The following ADCY5 variants were observed in gnomAD, a reference collection of about 807,000 sequenced individuals.
ADCY5 encodes the protein adenylate cyclase type 5.
Under a neutral mutation model 119.7 loss-of-function variants are expected in ADCY5, and 30 were observed. That is an observed-to-expected ratio of 0.25 (90% CI 0.19 to 0.34). The LOEUF (loss-of-function observed/expected upper bound fraction) is 0.34, where lower values mean the gene tolerates loss of function less well. Ranked by LOEUF, ADCY5 falls within the 10% of genes least tolerant of loss-of-function variation. The pLI is 1.00. For missense variants in ADCY5, 1,324 were observed against 1,775.2 expected, an observed-to-expected ratio of 0.75 and a Z score of 4.57; for synonymous variants, 753 against 762.2, an observed-to-expected ratio of 0.99 and a Z score of 0.20.
intron 1 of ADCY5, among the ~76,000 whole-genome samples, chr3:123,445,583 A>T (rs368839985): frequency 9.9e-5 from 15 of 152,208 alleles, no homozygotes; most frequent in African/African-American, 2.2e-4. Flanking sequence ...CTCGGGTCAA[A>T]AGAGTTGGGG....
chr3:123,332,035 C>T (rs991730325), intron 4 of ADCY5, among the ~76,000 whole-genome samples: 1 of 152,150 alleles, frequency 6.6e-6, no homozygotes, highest in Non-Finnish European at 1.5e-5. Flanking sequence ...AAGGAATGAA[C>T]GTGTCGTTCA....
chr3:123,326,924 AG>A (rs1941519700), intron 7 of ADCY5, among the ~76,000 whole-genome samples: 1 of 152,256 alleles, frequency 6.6e-6, no homozygotes, highest in Non-Finnish European at 1.5e-5. Context: ...TTCACTTCTT[AG>A]GAAGAGAAAT....
At chr3:123,358,608 C>A (rs191693305) in intron 1 of ADCY5, among the ~76,000 whole-genome samples, 38 of 152,220 alleles carry the variant, frequency 2.5e-4, no homozygotes, top group African/African-American at 8.7e-4. Flanking sequence ...TCCAAAACAA[C>A]AACAACAAAA....
intron 8 of ADCY5, among the ~76,000 whole-genome samples, chr3:123,324,415 CA>C (rs146114583): frequency 1.9e-3 from 33 of 17,670 alleles, no homozygotes; most frequent in African/African-American, 0.018. Context: ...CACACACACA[CA>C]CACACACACA....
intron 19 of ADCY5, among the ~76,000 whole-genome samples, chr3:123,288,369 T>G (rs1246283909): frequency 6.6e-6 from 1 of 152,254 alleles, no homozygotes; most frequent in Non-Finnish European, 1.5e-5. Flanking sequence ...ATTGATGGCT[T>G]GAAACATACC....
At chr3:123,315,305 A>G (rs1940854906) in intron 11 of ADCY5, among the ~76,000 whole-genome samples, 1 of 152,216 alleles carries the variant, frequency 6.6e-6, no homozygotes, top group African/African-American at 2.4e-5. Context: ...AACAAACGGA[A>G]CAAGGGAAAC....
At chr3:123,313,146 T>C (rs896148139) in intron 12 of ADCY5, among the ~76,000 whole-genome samples, 1 of 152,234 alleles carries the variant, frequency 6.6e-6, no homozygotes, top group Non-Finnish European at 1.5e-5. Flanking sequence ...CCTCTCTGGC[T>C]GTCCACCTCT....
At chr3:123,293,399 G>T (rs886363334) in intron 17 of ADCY5, among the ~76,000 whole-genome samples, 1 of 152,208 alleles carries the variant, frequency 6.6e-6, no homozygotes, top group African/African-American at 2.4e-5. Flanking sequence ...TGGTATTTAT[G>T]TGATGATGGC....
chr3:123,435,941 A>T (rs1945606539), intron 1 of ADCY5, among the ~76,000 whole-genome samples: 1 of 149,080 alleles, frequency 6.7e-6, no homozygotes, highest in Non-Finnish European at 1.5e-5. Flanking sequence ...CCTGGGCTGG[A>T]GTGCAGTGGT....
chr3:123,308,251 A>T (rs147333364), intron 12 of ADCY5, among the ~76,000 whole-genome samples: 4 of 151,468 alleles, frequency 2.6e-5, no homozygotes, highest in African/African-American at 9.7e-5. Context: ...GTTAGCCAGG[A>T]TGGTCTTGAT....
At chr3:123,328,508 A>C in intron 6 of ADCY5, 136 bp downstream of exon 6, 1 of 1,038,320 alleles carries the variant, frequency 9.6e-7, no homozygotes, top group South Asian at 1.5e-5. Flanking sequence ...TGCTCACCCC[A>C]GCGCCCCCAC....
intron 1 of ADCY5, among the ~76,000 whole-genome samples, chr3:123,381,808 C>T (rs1482270796): frequency 6.6e-6 from 1 of 152,200 alleles, no homozygotes; most frequent in Non-Finnish European, 1.5e-5. Context: ...CTCACCTGGG[C>T]ACCTGACTGC....
chr3:123,332,111 C>T (rs1175939813), intron 4 of ADCY5, among the ~76,000 whole-genome samples: 1 of 152,184 alleles, frequency 6.6e-6, no homozygotes, highest in East Asian at 1.9e-4. Flanking sequence ...TTTCTGGATG[C>T]CGCTAGGGAA....
At chr3:123,405,172 G>A (rs773869062) in intron 1 of ADCY5, among the ~76,000 whole-genome samples, 15 of 152,220 alleles carry the variant, frequency 9.9e-5, no homozygotes, top group East Asian at 3.8e-4. Flanking sequence ...GAAGGCCGGC[G>A]AGGCCAAGCA....
intron 1 of ADCY5, among the ~76,000 whole-genome samples, chr3:123,402,376 T>G (rs1419138408): frequency 6.6e-6 from 1 of 152,194 alleles, no homozygotes; most frequent in Non-Finnish European, 1.5e-5. Flanking sequence ...GAGTTACTAT[T>G]CTTGGGATCA....
In ADCY5 at chr3:123,408,034, C is replaced by T. The variant is rs184992123; in HGVS notation, c.1134+39378G>A. ...TTTTAAAGCGTGGTTTTTTAGAAAA[C>T]GCATCAATTATGTACAGAATTATGT... On this transcript the variant is annotated intron_variant, in intron 1 of 20. Coordinates refer to ENST00000462833, the MANE Select transcript of ADCY5 (RefSeq NM_183357.3). Among the ~76,000 whole-genome samples, 460 of 151,576 alleles carry T rather than the reference C, an allele frequency of 3.0e-3. 2 individuals are homozygous for T. Among genetic ancestry groups the T allele is most frequent in the Non-Finnish European group, 5.3e-3 (359 of 67,926 alleles).
intron 20 of ADCY5, among the ~76,000 whole-genome samples, chr3:123,285,609 C>G (rs570605382): frequency 1.7e-4 from 26 of 152,286 alleles, no homozygotes; most frequent in Non-Finnish European, 2.4e-4. Flanking sequence ...TGAGAGGGGA[C>G]CCCACTGTGT....
intron 1 of ADCY5, chr3:123,416,069 GGT>G (rs1945177581): frequency 6.1e-6 from 7 of 1,152,934 alleles, no homozygotes; most frequent in Non-Finnish European, 8.4e-6. Flanking sequence ...TAGGGTCAGG[GGT>G]TACAGTACAG....
intron 1 of ADCY5, among the ~76,000 whole-genome samples, chr3:123,374,585 C>G (rs1182780875): frequency 6.6e-6 from 1 of 152,184 alleles, no homozygotes; most frequent in African/African-American, 2.4e-5. Flanking sequence ...GAAGTAGTGG[C>G]ACTGGAACTT....
Sources: allele counts gnomAD v4.1 joint callset (sites outside exome capture counted in the v4.1 genomes callset), GRCh38; gene constraint gnomAD v4.1.1; transcripts MANE v1.5; gene names NCBI Gene and HGNC (gene_info 2026-07-23, HGNC 2026-07-21).